Variants in MEFV observed in about 807,000 individuals in gnomAD.
MEFV encodes MEFV innate immunity regulator, pyrin, also known as pyrin.
Under a neutral mutation model 62.5 loss-of-function variants are expected in MEFV, and 60 were observed. The observed-to-expected ratio is 0.96, with a 90% CI of 0.78 to 1.19. The LOEUF (loss-of-function observed/expected upper bound fraction) is 1.19. MEFV is among the 50% of genes most tolerant of loss of function. MEFV has a pLI of 0.00. For synonymous variants in MEFV, 500 were observed against 415.2 expected, an observed-to-expected ratio of 1.20 and a Z score of -2.48; for missense variants, 1,169 against 1,004.5, an observed-to-expected ratio of 1.16 and a Z score of -2.21.
At chr16:3,249,357 G>C in intron 3 of MEFV, 74 bp downstream of exon 3, 1 of 1,375,502 alleles carries the variant, frequency 7.3e-7, no homozygotes, top group Non-Finnish European at 1.0e-6. Flanking sequence ...ACCCAGAGTT[G>C]TTGGGAAAAT....
chr16:3,243,912 A>C lies in MEFV; in HGVS notation c.1760-20T>G, dbSNP rs1555458374. The C allele has an allele frequency of 1.2e-6, 2 of 1,613,874 alleles. No homozygotes were observed. Among genetic ancestry groups the C allele is most frequent in the South Asian group, 2.2e-5 (2 of 91,056 alleles). On this transcript the variant is annotated intron_variant, in intron 8 of 9. Transcript: ENST00000219596. Reference sequence around the variant, plus strand: ...CCGGAACTACGGAGAAAAATCAGATAGGGAAAAAAATCCTGAGCATTAGCA... The same window carrying C: ...CCGGAACTACGGAGAAAAATCAGATCGGGAAAAAAATCCTGAGCATTAGCA...
At chr16:3,251,023 CAAA>C (rs58529756) in intron 2 of MEFV, among the ~76,000 whole-genome samples, 1 of 49,372 alleles carries the variant, frequency 2.0e-5, no homozygotes, top group African/African-American at 6.6e-5. Context: ...GACTCCATCT[CAAA>C]AAAAAAAAAA....
In MEFV at chr16:3,248,269, C is replaced by CA. The variant is rs1318355680; in HGVS notation, c.1356+639dup. Among the ~76,000 whole-genome samples, 6 of 148,792 alleles carry CA rather than the reference C, an allele frequency of 4.0e-5. No individual in the cohort carries two copies. In the East Asian group the frequency reaches 1.0e-3, roughly 25 times the overall value. On this transcript the variant is annotated intron_variant, in intron 4 of 9. Coordinates refer to ENST00000219596, the MANE Select transcript of MEFV (RefSeq NM_000243.3). ...GCGAGACTCCATCTTGGAAACAAAACAAAAAAACAGAGAGTAAATTATGAA... is the reference window on the plus strand; with the variant it reads ...GCGAGACTCCATCTTGGAAACAAAACAAAAAAAACAGAGAGTAAATTATGAA...
intron 1 of MEFV, among the ~76,000 whole-genome samples, chr16:3,255,722 A>T (rs1417450537): frequency 6.6e-6 from 1 of 152,074 alleles, no homozygotes; most frequent in African/African-American, 2.4e-5. Context: ...ATATTTCTCA[A>T]ATAGTACTTT....
Position 3,243,257 on chromosome 16 carries a change from C to A in MEFV, c.2230G>T (p.Ala744Ser), listed in dbSNP as rs61732874. The change falls in exon 10 of 10, where the codon GCC becomes TCC. Residue 744 changes from alanine (A) to serine (S), a missense_variant. By Grantham distance (99) the Ala-to-Ser change is moderately conservative. Transcript: ENST00000219596. ...VTARSHIYTF[A>S]SCSFSGPLQP... ...AGGGGCCCAGAGAAAGAGCAGCTGGCGAATGTATAGATGTGGGATCTGGCT... is the reference window on the plus strand; with the variant it reads ...AGGGGCCCAGAGAAAGAGCAGCTGGAGAATGTATAGATGTGGGATCTGGCT... 2,655 of 1,614,092 alleles carry A rather than the reference C, an allele frequency of 1.6e-3. 10 individuals carry two copies. The highest frequency in any genetic ancestry group is 0.015 in the Middle Eastern group (91 of 6,062).
Position 3,249,732 on chromosome 16 carries a change from C to G in MEFV, c.959G>C (p.Gly320Ala), listed in dbSNP as rs374412819. The G allele has an allele frequency of 1.1e-5, 17 of 1,613,996 alleles. No homozygotes were observed. The African/African-American group carries it at 2.1e-4, about 20-fold the overall frequency. Residue 320 changes from glycine (G) to alanine (A), a missense_variant, in exon 3 of 10, where the codon GGA becomes GCA. Gly to Ala is a moderately conservative substitution (Grantham distance 60). Transcript: ENST00000219596. ...CACACAGGTACCGTCAACTGGGTCT[C>G]CTTCCTGGGCGTGGCAGCGGGGACT... Reference protein sequence around the residue: ...AASPRCHAQEGDPVDGTCVRD... With the variant: ...AASPRCHAQEADPVDGTCVRD...
rs960331623 is a variant in MEFV, at chr16:3,243,087, T to C, written c.*54A>G. On this transcript the variant is annotated 3_prime_UTR_variant, in exon 10 of 10. Transcript: ENST00000219596. The stretch of plus-strand genomic sequence containing the variant: ...TAGTCGGCATTCCGTGACTATTGAG[T>C]GTGAATGCAAGATACAAGGCCAGAA... 3.2e-6 allele frequency: 5 copies of C among 1,579,474 alleles called. No homozygotes were observed. Among genetic ancestry groups the C allele is most frequent in the East Asian group, 2.2e-5 (1 of 44,728 alleles).
At position 3,247,186 on chromosome 16, in the gene MEFV, G is replaced by A. The variant is rs1364314852; in HGVS notation, c.1417C>T (p.Leu473=). ...ACAAAGAAATGCTCTTGCTGCTCCA[G>A]GAAGTAGTACACCTGCTCCAGCTTC... The part of the protein sequence containing the change: ...QRKLEQVYYF[L]EQQEHFFVAS... Residue 473 remains leucine, a synonymous_variant, in exon 5 of 10, where the codon CTG becomes TTG. Coordinates refer to ENST00000219596, the MANE Select transcript of MEFV (RefSeq NM_000243.3). 4 of 1,614,184 alleles carry A rather than the reference G, an allele frequency of 2.5e-6. No homozygotes were observed. In the South Asian group the frequency reaches 4.4e-5, roughly 18 times the overall value.
rs104895187 is a variant in MEFV at position 3,254,235 on chromosome 16, C to T, written c.833G>A (p.Arg278Gln). ...CCCTCCATCCGGAGTGGGCCTTGCC[C>T]GGGGTTCTGTTGCCGAGTCCAGATT... ...AANLDSATEPRARPTPDGGAS... is the reference protein window; with the variant it reads ...AANLDSATEPQARPTPDGGAS... Residue 278 changes from arginine (R) to glutamine (Q), a missense_variant, in exon 2 of 10, where the codon CGG (arginine) becomes CAG (glutamine). Arg to Gln is a conservative substitution (Grantham distance 43, BLOSUM62 1). Transcript: ENST00000219596. 32 of 1,614,140 alleles carry T rather than the reference C, an allele frequency of 2.0e-5. No individual in the cohort carries two copies. The highest frequency in any genetic ancestry group is 2.5e-5 in the Non-Finnish European group (29 of 1,180,054).
At chr16:3,243,744 T>C (rs1319525896) in intron 9 of MEFV, 50 bp from the exon 10 acceptor site, 1 of 1,611,474 alleles carries the variant, frequency 6.2e-7, no homozygotes, top group East Asian at 2.2e-5. Context: ...GCAACATCCC[T>C]ACAGGGTTCT....
chr16:3,254,908 G>C (rs1454839023), intron 1 of MEFV, 118 bp from the exon 2 acceptor site: 1 of 1,536,106 alleles, frequency 6.5e-7, no homozygotes, highest in Non-Finnish European at 8.8e-7. Flanking sequence ...GGAAAACAAC[G>C]GGCCGGGCGC....
At position 3,249,478 on chromosome 16, in the gene MEFV, GGT is replaced by G. The variant is rs1403838136; in HGVS notation, c.1211_1212del (p.His404ProfsTer9). 1.9e-6 allele frequency: 3 copies of G among 1,614,146 alleles called. No homozygotes were observed. Among genetic ancestry groups the G allele is most frequent in the Non-Finnish European group, 2.5e-6 (3 of 1,180,042 alleles). On this transcript the variant is annotated frameshift_variant, in exon 3 of 10. Transcript: ENST00000219596. LOFTEE classifies it high-confidence loss of function. The part of the protein sequence containing the change: ...ICLICSLSQE[H>X]QGHRVRPIEE... ...TCAATGGGGCGCACCCGGTGGCCTTGGTGCTCCTGACTCAGACTGCAGATGAG... is the reference window on the plus strand; with the variant it reads ...TCAATGGGGCGCACCCGGTGGCCTTGGCTCCTGACTCAGACTGCAGATGAG...
rs754637045 is a variant in MEFV at position 3,249,803 on chromosome 16, C to T, written c.911-23G>A. The T allele has an allele frequency of 3.6e-5, 58 of 1,601,694 alleles. No homozygotes were observed. In the South Asian group the frequency reaches 5.7e-4, roughly 16 times the overall value. Reference sequence around the variant, plus strand: ...TTCCTGGGGACATGCAGTGGAAAAACCCCCTGAATGGCAAACCCAAGTTGC... The same window carrying T: ...TTCCTGGGGACATGCAGTGGAAAAATCCCCTGAATGGCAAACCCAAGTTGC... On this transcript the variant is annotated intron_variant, in intron 2 of 9. Coordinates refer to ENST00000219596, the MANE Select transcript of MEFV (RefSeq NM_000243.3).
In MEFV at chr16:3,247,177, G is replaced by C. The variant is rs1276287320; in HGVS notation, c.1426C>G (p.Gln476Glu). ...AGTGAGGCCACAAAGAAATGCTCTT[G>C]CTGCTCCAGGAAGTAGTACACCTGC... Reference protein sequence around the residue: ...LEQVYYFLEQQEHFFVASLED... With the variant: ...LEQVYYFLEQEEHFFVASLED... Residue 476 changes from glutamine (Q) to glutamate (E), a missense_variant, in exon 5 of 10, where the codon CAA becomes GAA. Physicochemically the swap from Gln to Glu is conservative, Grantham distance 29. Transcript: ENST00000219596. 1.9e-6 allele frequency: 3 copies of C among 1,614,038 alleles called. No homozygotes were observed. The highest frequency in any genetic ancestry group is 4.5e-5 in the East Asian group (2 of 44,900).
Position 3,246,555 on chromosome 16 carries a change from A to G in MEFV, c.1588-8T>C, listed in dbSNP as rs751906729. The G allele has an allele frequency of 6.2e-7, 1 of 1,614,054 alleles. No individual in the cohort carries two copies. On this transcript the variant is annotated splice_polypyrimidine_tract_variant and splice_region_variant and intron_variant, in intron 5 of 9. Transcript: ENST00000219596. ...CAAGATGTCTCCAATGTCCTAGGAGAAAAAAGAAGGAAACTGTCGGTTACC... is the reference window on the plus strand; with the variant it reads ...CAAGATGTCTCCAATGTCCTAGGAGGAAAAAGAAGGAAACTGTCGGTTACC...
At chr16:3,244,228 G>T in intron 8 of MEFV, 26 bp downstream of exon 8, 3 of 1,613,912 alleles carry the variant, frequency 1.9e-6, no homozygotes, top group South Asian at 1.1e-5. Flanking sequence ...CCCCAGGCCA[G>T]CACACACCAT....
At chr16:3,250,512 G>A (rs1959015645) in intron 2 of MEFV, among the ~76,000 whole-genome samples, 1 of 152,072 alleles carries the variant, frequency 6.6e-6, no homozygotes, top group Admixed American at 6.6e-5. Context: ...GGGAGGCTGA[G>A]ACAGGAGGAT....
At chr16:3,251,260 A>G (rs1229199911) in intron 2 of MEFV, among the ~76,000 whole-genome samples, 1 of 152,018 alleles carries the variant, frequency 6.6e-6, no homozygotes, top group African/African-American at 2.4e-5. Flanking sequence ...CCTCCTTTGC[A>G]GTTAGGTGTG....
rs575905988 is a variant in MEFV at position 3,244,959 on chromosome 16, T to C, written c.1611-371A>G. Among the ~76,000 whole-genome samples the C allele has an allele frequency of 6.9e-4, 105 of 152,016 alleles. 2 individuals are homozygous for C. The South Asian group carries it at 0.021, about 30-fold the overall frequency. ...ACACACAACAAAATATCCCTTCACATCCATTAGAATGGCTATTATAAAAAC... is the reference window on the plus strand; with the variant it reads ...ACACACAACAAAATATCCCTTCACACCCATTAGAATGGCTATTATAAAAAC... On this transcript the variant is annotated intron_variant, in intron 6 of 9. Transcript: ENST00000219596.
Sources: allele counts gnomAD v4.1 joint callset (sites outside exome capture counted in the v4.1 genomes callset), GRCh38; gene constraint gnomAD v4.1.1; transcripts MANE v1.5; gene names NCBI Gene and HGNC (gene_info 2026-07-23, HGNC 2026-07-21).